The following TMEM71 variants were observed in gnomAD, a reference collection of about 807,000 sequenced individuals.
The protein encoded by TMEM71 is transmembrane protein 71.
Under a neutral mutation model 38.0 loss-of-function variants are expected in TMEM71, and 44 were observed. The ratio of observed to expected loss-of-function variants is 1.16; its 90% CI spans 0.91 to 1.49. TMEM71 has a LOEUF of 1.49. Ranked by LOEUF, TMEM71 falls within the 40% of genes most tolerant of loss-of-function variation. The probability of loss-of-function intolerance (pLI) is 0.00; values close to 1 mark genes in which losing one functional copy is unlikely to be tolerated. For synonymous variants in TMEM71, 133 were observed against 122.5 expected (o/e 1.09, Z -0.56); for missense variants, 367 against 348.6 (o/e 1.05, Z -0.42).
At chr8:132,746,368 T>C (rs13271120) in intron 5 of TMEM71, among the ~76,000 whole-genome samples, 1,473 of 19,576 alleles carry the variant, frequency 0.075, 41 homozygotes, top group East Asian at 0.32. Flanking sequence ...TACACACACA[T>C]ATATATACAT....
chr8:132,714,069 A>G lies in TMEM71; in HGVS notation c.815-17T>C. The G allele has an allele frequency of 6.2e-7, 1 of 1,614,034 alleles. No homozygotes were observed. The highest frequency in any genetic ancestry group is 8.5e-7 in the Non-Finnish European group (1 of 1,179,890). On this transcript the variant is annotated splice_polypyrimidine_tract_variant and intron_variant, in intron 8 of 9. Coordinates refer to ENST00000677595, the MANE Select transcript of TMEM71 (RefSeq NM_001382403.1). ...ATTTCACATCTTGAGTGAAACAGAGAAAATATTTTAAAATCATTTTAAAGT... is the reference window on the plus strand; with the variant it reads ...ATTTCACATCTTGAGTGAAACAGAGGAAATATTTTAAAATCATTTTAAAGT...
intron 7 of TMEM71, 134 bp downstream of exon 7, chr8:132,721,906 T>C (rs1312446635): frequency 2.5e-6 from 2 of 785,126 alleles, no homozygotes; most frequent in East Asian, 5.1e-5. Context: ...AAACTTATCA[T>C]GGACAGACAC....
intron 5 of TMEM71, among the ~76,000 whole-genome samples, chr8:132,728,442 A>G (rs1193655653): frequency 2.0e-5 from 3 of 152,212 alleles, no homozygotes; most frequent in African/African-American, 7.2e-5. Flanking sequence ...CATCACCATG[A>G]TTCAATACCC....
At chr8:132,773,282 G>A in the TMEM71 span, among the ~76,000 whole-genome samples, 1 of 152,046 alleles carries the variant, frequency 6.6e-6, no homozygotes, top group Non-Finnish European at 1.5e-5. Flanking sequence ...TCTAGGGGAC[G>A]GTATTAACTC....
At chr8:132,738,403 T>G (rs1323788976) in intron 5 of TMEM71, among the ~76,000 whole-genome samples, 1 of 152,194 alleles carries the variant, frequency 6.6e-6, no homozygotes, top group African/African-American at 2.4e-5. Flanking sequence ...CTATATTCTA[T>G]CTATCACTAA....
the TMEM71 span, among the ~76,000 whole-genome samples, chr8:132,766,941 A>G: frequency 6.6e-6 from 1 of 152,176 alleles, no homozygotes; most frequent in African/African-American, 2.4e-5. Flanking sequence ...GACTTCTAAA[A>G]CATCTTAGCC....
At chr8:132,719,149 C>T (rs773709710) in intron 7 of TMEM71, among the ~76,000 whole-genome samples, 11 of 152,126 alleles carry the variant, frequency 7.2e-5, no homozygotes, top group African/African-American at 2.2e-4. Flanking sequence ...GAATATTTCC[C>T]GCGCCCTTTA....
At chr8:132,743,896 G>C (rs1004016135) in intron 5 of TMEM71, among the ~76,000 whole-genome samples, 2 of 152,160 alleles carry the variant, frequency 1.3e-5, no homozygotes, top group African/African-American at 4.8e-5. Flanking sequence ...AGCACAGAAT[G>C]TTCTTACCTT....
At position 132,747,374 on chromosome 8, in the gene TMEM71, T is replaced by C. The variant is rs371580493; in HGVS notation, c.315-260A>G. Among the ~76,000 whole-genome samples the C allele has an allele frequency of 1.6e-4, 25 of 152,364 alleles. 2 individuals are homozygous for C. Among genetic ancestry groups the C allele is most frequent in the African/African-American group, 6.0e-4 (25 of 41,576 alleles). On this transcript the variant is annotated intron_variant, in intron 4 of 9. Coordinates refer to ENST00000677595, the MANE Select transcript of TMEM71 (RefSeq NM_001382403.1). The stretch of plus-strand genomic sequence containing the variant: ...GAAATAATAATGCACATATAGGTAA[T>C]GCTTTCCTAGAGTTTATTCTATGCC...
rs1554619187 is a variant in TMEM71, at chr8:132,746,466, T to TATATATAC, written c.487+475_487+476insGTATATAT. ...ATATACATATACATATATATATACA[T>TATATATAC]ATATATATACATATATATATACATA... On this transcript the variant is annotated intron_variant, in intron 5 of 9. Transcript: ENST00000677595. 2.7e-3 allele frequency among the ~76,000 whole-genome samples: 43 copies of TATATATAC among 16,138 alleles called. 1 individual carries two copies. Among genetic ancestry groups the TATATATAC allele is most frequent in the African/African-American group, 8.4e-3 (40 of 4,750 alleles). 10.6% of individuals were successfully genotyped at this position (16,138 alleles called of 152,430 possible). A position where few individuals can be genotyped will look rare whatever the true frequency, so the allele number is the denominator to read the frequency against.
chr8:132,761,152 C>T (rs182310712), upstream of TMEM71, among the ~76,000 whole-genome samples: 1,145 of 152,288 alleles, frequency 7.5e-3, 10 homozygotes, highest in Non-Finnish European at 0.011. Context: ...TCATACACAT[C>T]TGTACTACTG....
At position 132,727,899 on chromosome 8, in the gene TMEM71, T is replaced by C. The variant is rs748059588; in HGVS notation, c.575A>G (p.His192Arg). 10 of 1,614,126 alleles carry C rather than the reference T, an allele frequency of 6.2e-6. No individual in the cohort carries two copies. Among genetic ancestry groups the C allele is most frequent in the Non-Finnish European group, 8.5e-6 (10 of 1,179,998 alleles). Residue 192 changes from histidine (H) to arginine (R), a missense_variant, in exon 6 of 10, where the codon CAC becomes CGC. Physicochemically the swap from His to Arg is conservative, Grantham distance 29 (BLOSUM62 0). Transcript: ENST00000677595. ...TCCTCCAGGAGGCTGAGATATGATG[T>C]GGCTGGAAGAGGAGGTGATCACAGA... ...AESVITSSSS[H>R]IISQPPGGNS...
intron 7 of TMEM71, among the ~76,000 whole-genome samples, chr8:132,716,164 C>G (rs1199801278): frequency 1.3e-5 from 2 of 152,234 alleles, no homozygotes; most frequent in Non-Finnish European, 2.9e-5. Context: ...TGGAAGCCCC[C>G]CTGTGCCTGC....
downstream of TMEM71, among the ~76,000 whole-genome samples, chr8:132,707,516 T>C (rs1586778927): frequency 6.6e-6 from 1 of 152,254 alleles, no homozygotes; most frequent in Middle Eastern, 3.4e-3. Flanking sequence ...GTTATTATTG[T>C]GAGAATAGAT....
intron 5 of TMEM71, among the ~76,000 whole-genome samples, chr8:132,737,117 C>A (rs150343642): frequency 2.0e-5 from 3 of 152,140 alleles, no homozygotes; most frequent in African/African-American, 4.8e-5. Flanking sequence ...GGAGTGACTG[C>A]GAGTGAGTAT....
chr8:132,723,739 T>C (rs1826977388), intron 6 of TMEM71, among the ~76,000 whole-genome samples: 1 of 152,210 alleles, frequency 6.6e-6, no homozygotes, highest in African/African-American at 2.4e-5. Flanking sequence ...CCCCCTCTCT[T>C]GGTACACAGT....
chr8:132,743,735 G>A (rs1403103803), intron 5 of TMEM71, among the ~76,000 whole-genome samples: 1 of 151,978 alleles, frequency 6.6e-6, no homozygotes. Flanking sequence ...TCTGAGCTCT[G>A]GATTGCAAAT....
chr8:132,769,600 T>C, the TMEM71 span, among the ~76,000 whole-genome samples: 1 of 152,178 alleles, frequency 6.6e-6, no homozygotes, highest in Admixed American at 6.5e-5. Context: ...TAATGAAGGT[T>C]GAGCCTTCAT....
At chr8:132,742,745 A>T (rs1359430897) in intron 5 of TMEM71, among the ~76,000 whole-genome samples, 5 of 152,142 alleles carry the variant, frequency 3.3e-5, no homozygotes, top group Non-Finnish European at 7.4e-5. Flanking sequence ...AGACCTGCAA[A>T]CCCATTTTTA....
Sources: allele counts gnomAD v4.1 joint callset (sites outside exome capture counted in the v4.1 genomes callset), GRCh38; gene constraint gnomAD v4.1.1; transcripts MANE v1.5; gene names NCBI Gene and HGNC (gene_info 2026-07-23, HGNC 2026-07-21).